Variants in MYLIP observed in about 807,000 individuals in gnomAD.
MYLIP encodes the protein myosin regulatory light chain interacting protein.
MYLIP carries 26 observed loss-of-function variants against 45.8 expected under a neutral mutation model. That is an observed-to-expected ratio of 0.57 (90% CI 0.42 to 0.79). The LOEUF (loss-of-function observed/expected upper bound fraction) is 0.79, where lower values mean the gene tolerates loss of function less well. Ranked by LOEUF, MYLIP falls within the 30% of genes least tolerant of loss-of-function variation. The pLI is 0.00. For missense variants in MYLIP, 494 were observed against 555.6 expected (o/e 0.89, Z 1.11); for synonymous variants, 213 against 218.1 (o/e 0.98, Z 0.21).
At position 16,129,492 on chromosome 6, in the gene MYLIP, C is replaced by A; in HGVS notation, c.87+83C>A. The A allele has an allele frequency of 7.2e-7, 1 of 1,393,494 alleles. No homozygotes were observed. Among genetic ancestry groups the A allele is most frequent in the Non-Finnish European group, 9.8e-7 (1 of 1,016,470 alleles). 86.3% of individuals were successfully genotyped at this position (1,393,494 alleles called of 1,614,324 possible). On this transcript the variant is annotated intron_variant, in intron 1 of 6. Transcript: ENST00000356840. This position sits in a 1 kb window ranked among gnomAD's most constrained non-coding sequence, Gnocchi z 5.1. ...CAGCGACGCCTGGCACTCTGGCGCG[C>A]CCCCTACTAGGGGCCGGGAGGCACT... is the stretch of plus-strand genomic sequence containing the variant.
chr6:16,154,408 T>C, the MYLIP span, among the ~76,000 whole-genome samples: 6 of 152,316 alleles, frequency 3.9e-5, no homozygotes, highest in Non-Finnish European at 2.9e-5. Context: ...TCTCACAACA[T>C]GCCCGTGAAG....
intron 2 of MYLIP, among the ~76,000 whole-genome samples, chr6:16,140,167 C>T (rs1422241291): frequency 3.9e-5 from 6 of 152,136 alleles, no homozygotes; most frequent in African/African-American, 9.7e-5. Flanking sequence ...GTTAATGGGA[C>T]GAATAATGTG....
intron 3 of MYLIP, among the ~76,000 whole-genome samples, chr6:16,142,181 G>A (rs1255508500): frequency 3.9e-5 from 6 of 152,250 alleles, no homozygotes; most frequent in African/African-American, 1.2e-4. Flanking sequence ...AGATGAATCT[G>A]TGGTACATAC....
intron 2 of MYLIP, among the ~76,000 whole-genome samples, chr6:16,137,770 G>A (rs575468220): frequency 6.6e-6 from 1 of 152,208 alleles, no homozygotes; most frequent in East Asian, 1.9e-4. Context: ...AACATTGTAA[G>A]AAGGAATTAA....
chr6:16,129,621 G>T lies in MYLIP; in HGVS notation c.87+212G>T, dbSNP rs1022823569. On this transcript the variant is annotated intron_variant, in intron 1 of 6. Transcript: ENST00000356840. This position sits in a 1 kb window ranked among gnomAD's most constrained non-coding sequence, Gnocchi z 5.1. ...TGCGCGGAGAAAGCGCGCAGCGGGG[G>T]TCCCCAGCGCTGAGGGCCGGGCGCA... 6.6e-6 allele frequency among the ~76,000 whole-genome samples: 1 copy of T among 152,180 alleles called. No individual in the cohort carries two copies. The highest frequency in any genetic ancestry group is 6.5e-5 in the Admixed American group (1 of 15,286).
Position 16,146,826 on chromosome 6 carries a change from G to T in MYLIP, c.*75G>T. ...ATAAACTATTAAAATGATAGATTGTGGAGAAAGTAATTATTCCAACACCCA... is the reference window on the plus strand; with the variant it reads ...ATAAACTATTAAAATGATAGATTGTTGAGAAAGTAATTATTCCAACACCCA... On this transcript the variant is annotated 3_prime_UTR_variant, in exon 7 of 7. Transcript: ENST00000356840. 7.8e-7 allele frequency: 1 copy of T among 1,278,966 alleles called. No homozygotes were observed. Among genetic ancestry groups the T allele is most frequent in the Admixed American group, 2.0e-5 (1 of 49,048 alleles). The allele number at this position is 1,278,966 out of a possible 1,614,324, so 79.2% of individuals were successfully genotyped here.
chr6:16,145,813 G>C (rs756696457), intron 6 of MYLIP, among the ~76,000 whole-genome samples: 3 of 152,158 alleles, frequency 2.0e-5, no homozygotes, highest in Non-Finnish European at 4.4e-5. Flanking sequence ...GGGCATATGG[G>C]TTGGCTGTTA....
intron 1 of MYLIP, among the ~76,000 whole-genome samples, 195 bp from the exon 2 acceptor site, chr6:16,130,362 A>C (rs1388145239): frequency 6.6e-6 from 1 of 152,190 alleles, no homozygotes; most frequent in African/African-American, 2.4e-5. Flanking sequence ...GTTAAAAGGA[A>C]TTATGAGCCT....
At chr6:16,160,438 G>A in the MYLIP span, among the ~76,000 whole-genome samples, 267 of 152,202 alleles carry the variant, frequency 1.8e-3, 1 homozygote, top group African/African-American at 6.1e-3. Flanking sequence ...TAAACCAATC[G>A]GGAATTCGAT....
At position 16,143,095 on chromosome 6, in the gene MYLIP, G is replaced by A. The variant is rs370693513; in HGVS notation, c.540G>A (p.Ser180=). The A allele has an allele frequency of 4.8e-5, 78 of 1,614,164 alleles. No homozygotes were observed. The highest frequency in any genetic ancestry group is 3.5e-4 in the African/African-American group (26 of 75,018). ...AATACCAAGTTTTGCAGATTGTGTC[G>A]GCAATGGAAAACTATGGCATAGAAT... ...SAEYQVLQIV[S]AMENYGIEWH... The change falls in exon 4 of 7, where the codon TCG becomes TCA. Residue 180 remains serine, a synonymous_variant. Transcript: ENST00000356840.
chr6:16,136,762 G>A (rs1315286166), intron 2 of MYLIP, among the ~76,000 whole-genome samples: 1 of 152,156 alleles, frequency 6.6e-6, no homozygotes, highest in Admixed American at 6.5e-5. Context: ...GTGTGTAGTG[G>A]TAGAGTGTTG....
At chr6:16,135,774 T>TAG (rs1263683906) in intron 2 of MYLIP, among the ~76,000 whole-genome samples, 1 of 146,864 alleles carries the variant, frequency 6.8e-6, no homozygotes, top group African/African-American at 2.5e-5. Context: ...TATATATATA[T>TAG]ATATGTATGC....
At chr6:16,143,891 C>T in intron 5 of MYLIP, 28 bp downstream of exon 5, 8 of 1,599,202 alleles carry the variant, frequency 5.0e-6, no homozygotes, top group Non-Finnish European at 6.8e-6. Context: ...TTGGTCACCT[C>T]AGCACCACAG....
the MYLIP span, among the ~76,000 whole-genome samples, chr6:16,156,595 G>C: frequency 6.6e-6 from 1 of 152,138 alleles, no homozygotes; most frequent in Non-Finnish European, 1.5e-5. Flanking sequence ...ATAAAGCTTT[G>C]GGGCACCCAA....
chr6:16,151,904 T>C (rs1424918776), downstream of MYLIP, among the ~76,000 whole-genome samples: 1 of 152,254 alleles, frequency 6.6e-6, no homozygotes, highest in African/African-American at 2.4e-5. Context: ...GGAGTGATTC[T>C]TCTAGTTGAG....
intron 6 of MYLIP, among the ~76,000 whole-genome samples, chr6:16,146,112 T>A (rs1232177177): frequency 1.3e-5 from 2 of 152,208 alleles, no homozygotes; most frequent in African/African-American, 4.8e-5. Context: ...TCTGCCCACC[T>A]ATTCTGACTC....
chr6:16,131,387 T>TAA (rs1759458198), intron 2 of MYLIP, among the ~76,000 whole-genome samples: 1 of 152,258 alleles, frequency 6.6e-6, no homozygotes, highest in Non-Finnish European at 1.5e-5. Context: ...TTTATCTCTC[T>TAA]ACGTTGTAAA....
intron 4 of MYLIP, among the ~76,000 whole-genome samples, chr6:16,143,467 A>G (rs1056906221): frequency 2.0e-5 from 3 of 152,324 alleles, no homozygotes; most frequent in Middle Eastern, 6.8e-3. Context: ...TTTCAGCTCT[A>G]GACATGCATG....
At chr6:16,137,257 A>AT (rs558275439) in intron 2 of MYLIP, among the ~76,000 whole-genome samples, 2 of 152,240 alleles carry the variant, frequency 1.3e-5, no homozygotes, top group South Asian at 4.1e-4. Flanking sequence ...GATAGCTTTT[A>AT]AATATAACTT....
Sources: gnomAD v4.1 joint callset for allele counts (sites outside exome capture counted in the v4.1 genomes callset) on GRCh38, gnomAD v4.1.1 for gene constraint, Gnocchi (gnomAD v3.1) non-coding constraint, MANE v1.5 for transcripts, NCBI Gene and HGNC (gene_info 2026-07-23, HGNC 2026-07-21) for gene names.